EYA4: variants seen among roughly 807,000 people sequenced by gnomAD.
EYA4 encodes EYA transcriptional coactivator and phosphatase 4.
In EYA4, 31 loss-of-function variants were observed where a neutral mutation model predicts 87.9. The ratio of observed to expected loss-of-function variants is 0.35; its 90% confidence interval spans 0.27 to 0.48. The LOEUF (loss-of-function observed/expected upper bound fraction) is 0.48, where lower values mean the gene tolerates loss of function less well. EYA4 is among the 20% of genes least tolerant of loss of function. The probability of loss-of-function intolerance (pLI) is 0.99; values close to 1 mark genes in which losing one functional copy is unlikely to be tolerated. For synonymous variants in EYA4, 263 were observed against 270.6 expected (o/e 0.97, Z 0.28); for missense variants, 678 against 761.4 (o/e 0.89, Z 1.29).
At chr6:133,310,559 G>A (rs373476377) in intron 2 of EYA4, among the ~76,000 whole-genome samples, 135 of 152,270 alleles carry the variant, frequency 8.9e-4, no homozygotes, top group African/African-American at 3.1e-3. Context: ...AGAAATGATC[G>A]TCAAATATTT....
intron 2 of EYA4, among the ~76,000 whole-genome samples, chr6:133,364,753 T>C (rs1336854326): frequency 1.3e-5 from 2 of 152,186 alleles, no homozygotes; most frequent in East Asian, 3.9e-4. Flanking sequence ...TATTTGATAG[T>C]CTTTCCATGC....
chr6:133,433,665 T>C (rs1426232393), intron 3 of EYA4, among the ~76,000 whole-genome samples: 1 of 152,172 alleles, frequency 6.6e-6, no homozygotes, highest in Non-Finnish European at 1.5e-5. Flanking sequence ...ACATGTTTAT[T>C]GTGAGGGCAT....
chr6:133,261,119 C>T (rs1263654638), intron 1 of EYA4, among the ~76,000 whole-genome samples: 1 of 152,068 alleles, frequency 6.6e-6, no homozygotes, highest in African/African-American at 2.4e-5. Context: ...CTTCTCCAGG[C>T]CTTTTTCCAC....
At chr6:133,355,489 A>G (rs747088244) in intron 2 of EYA4, among the ~76,000 whole-genome samples, 1 of 152,220 alleles carries the variant, frequency 6.6e-6, no homozygotes, top group Non-Finnish European at 1.5e-5. Context: ...ACCATAGACA[A>G]CTATGCAGTC....
intron 1 of EYA4, among the ~76,000 whole-genome samples, chr6:133,264,818 GTTTC>G (rs549780999): frequency 2.7e-4 from 41 of 152,038 alleles, no homozygotes; most frequent in African/African-American, 8.4e-4. Flanking sequence ...GACAACCTAG[GTTTC>G]TTTCTTTCTT....
chr6:133,323,065 A>G (rs1030073643), intron 2 of EYA4, among the ~76,000 whole-genome samples: 1 of 139,668 alleles, frequency 7.2e-6, no homozygotes, highest in African/African-American at 2.6e-5. Context: ...CTATATCAGT[A>G]TAAAATCCGT....
rs11388358 is a variant in EYA4, at chr6:133,413,426, A to ATT, written c.83+31000_83+31001dup. ...CAAAAACTTTTGTGTTAACCCAGTG[A>ATT]TTTTTTTTTTTTTTTTGGGCCTTTA... On this transcript the variant is annotated intron_variant, in intron 3 of 19. Coordinates refer to ENST00000355286, the MANE Select transcript of EYA4 (RefSeq NM_004100.5). Among the ~76,000 whole-genome samples, 128 of 140,872 alleles carry ATT rather than the reference A, an allele frequency of 9.1e-4. 3 individuals are homozygous for ATT. In the East Asian group the frequency reaches 0.02, roughly 22 times the overall value. 92.4% of individuals were successfully genotyped at this position (140,872 alleles called of 152,430 possible).
At chr6:133,461,034 C>G (rs1392170956) in intron 6 of EYA4, 80 bp from the exon 7 acceptor site, 1 of 939,098 alleles carries the variant, frequency 1.1e-6, no homozygotes, top group Non-Finnish European at 1.8e-6. Flanking sequence ...ATGGTAATTT[C>G]TTCAAATTGG....
Position 133,464,873 on chromosome 6 carries a change from TG to T in EYA4, c.804+16del. 6.4e-7 allele frequency: 1 copy of T among 1,566,690 alleles called. No individual in the cohort carries two copies. The highest frequency in any genetic ancestry group is 8.8e-7 in the Non-Finnish European group (1 of 1,137,990). On this transcript the variant is annotated intron_variant, in intron 10 of 19. Transcript: ENST00000355286. The stretch of plus-strand genomic sequence containing the variant: ...GTTCACAACAGGTATAGTAGCTTTT[TG>T]TGTTTATGCTTTTTATATGTATTTC...
At chr6:133,501,763 C>A (rs1413661691) in intron 13 of EYA4, among the ~76,000 whole-genome samples, 1 of 152,200 alleles carries the variant, frequency 6.6e-6, no homozygotes. Flanking sequence ...AAAAAACGTC[C>A]TTAGTTTCTT....
At chr6:133,371,118 A>G (rs1259008855) in intron 2 of EYA4, among the ~76,000 whole-genome samples, 1 of 152,148 alleles carries the variant, frequency 6.6e-6, no homozygotes, top group Admixed American at 6.6e-5. Flanking sequence ...TAATAACAGC[A>G]TTTGTTTTGT....
intron 6 of EYA4, among the ~76,000 whole-genome samples, chr6:133,460,743 T>C (rs1434448745): frequency 6.6e-6 from 1 of 152,106 alleles, no homozygotes; most frequent in East Asian, 1.9e-4. Flanking sequence ...ATTGCCATCA[T>C]ATTTGGTATT....
At chr6:133,271,538 C>G (rs1039674425) in intron 1 of EYA4, among the ~76,000 whole-genome samples, 1 of 152,212 alleles carries the variant, frequency 6.6e-6, no homozygotes, top group African/African-American at 2.4e-5. Context: ...CAAACCTCTT[C>G]CCTTTCTATG....
intron 13 of EYA4, among the ~76,000 whole-genome samples, chr6:133,495,411 G>A (rs1178910669): frequency 6.9e-6 from 1 of 144,978 alleles, no homozygotes; most frequent in Non-Finnish European, 1.5e-5. Context: ...TAAATATAAA[G>A]AAATATATTC....
At chr6:133,366,708 A>C (rs1784876609) in intron 2 of EYA4, among the ~76,000 whole-genome samples, 1 of 135,652 alleles carries the variant, frequency 7.4e-6, no homozygotes, top group Non-Finnish European at 1.6e-5. Flanking sequence ...TTTAACTAAA[A>C]GTAGTCCCTT....
intron 1 of EYA4, among the ~76,000 whole-genome samples, chr6:133,244,758 T>C (rs1348453370): frequency 6.6e-6 from 1 of 152,108 alleles, no homozygotes; most frequent in Non-Finnish European, 1.5e-5. Context: ...TTTCAGTCTC[T>C]GTTGCAAGCT....
intron 19 of EYA4, among the ~76,000 whole-genome samples, chr6:133,527,229 G>A (rs557000500): frequency 3.3e-5 from 5 of 152,278 alleles, no homozygotes; most frequent in Non-Finnish European, 7.4e-5. Context: ...AGCGGTAATC[G>A]CATGTGCAGA....
chr6:133,384,308 G>GA lies in EYA4; in HGVS notation c.83+1874dup, dbSNP rs199767006. On this transcript the variant is annotated intron_variant, in intron 3 of 19. Transcript: ENST00000355286. Reference sequence around the variant, plus strand: ...CTTAAAAATATAATTTTATTTTTAAGAAAAAAATAGTTTTTTTGAAGACTG... The same window carrying GA: ...CTTAAAAATATAATTTTATTTTTAAGAAAAAAAATAGTTTTTTTGAAGACTG... 7.6e-3 allele frequency among the ~76,000 whole-genome samples: 1,151 copies of GA among 152,024 alleles called. 14 individuals are homozygous for GA. Among genetic ancestry groups the GA allele is most frequent in the African/African-American group, 0.026 (1,096 of 41,480 alleles).
At chr6:133,346,569 TC>T (rs1783212699) in intron 2 of EYA4, among the ~76,000 whole-genome samples, 1 of 152,230 alleles carries the variant, frequency 6.6e-6, no homozygotes, top group African/African-American at 2.4e-5. Context: ...TTTGTGCAGT[TC>T]CTTAATTACT....
Sources: allele counts gnomAD v4.1 joint callset (sites outside exome capture counted in the v4.1 genomes callset), GRCh38; gene constraint gnomAD v4.1.1; transcripts MANE v1.5; gene names NCBI Gene and HGNC (gene_info 2026-07-23, HGNC 2026-07-21).